Variants in TSNAXIP1 observed in about 807,000 individuals in gnomAD.
TSNAXIP1 encodes the protein translin associated factor X interacting protein 1.
A neutral mutation model predicts 84.8 loss-of-function variants in TSNAXIP1; 89 were observed. The ratio of observed to expected loss-of-function variants is 1.05; its 90% confidence interval spans 0.88 to 1.25. The LOEUF (loss-of-function observed/expected upper bound fraction) is 1.25. TSNAXIP1 is among the 50% of genes most tolerant of loss of function. The probability of loss-of-function intolerance (pLI) is 0.00; values close to 1 mark genes in which losing one functional copy is unlikely to be tolerated. For synonymous variants in TSNAXIP1, 347 were observed against 335.2 expected, an observed-to-expected ratio of 1.04 and a Z score of -0.39; for missense variants, 874 against 887.6, an observed-to-expected ratio of 0.98 and a Z score of 0.20.
chr16:67,820,311 C>T (rs1205145224), intron 2 of TSNAXIP1, among the ~76,000 whole-genome samples: 1 of 152,176 alleles, frequency 6.6e-6, no homozygotes, highest in Non-Finnish European at 1.5e-5. Context: ...CTACCATCAT[C>T]CCTATTTTAC....
chr16:67,824,785 TG>T lies in TSNAXIP1; in HGVS notation c.678+8del, dbSNP rs2151259454. 6.2e-7 allele frequency: 1 copy of T among 1,612,466 alleles called. No individual in the cohort carries two copies. The highest frequency in any genetic ancestry group is 8.5e-7 in the Non-Finnish European group (1 of 1,178,958). On this transcript the variant is annotated splice_region_variant and intron_variant, in intron 6 of 15. Transcript: ENST00000561639. ...AGATTTCATTGCAGAGCGAGGTGAA[TG>T]GAAGTGGTGTGATGATGACCAAGTC...
At chr16:67,825,375 A>C in intron 7 of TSNAXIP1, 103 bp downstream of exon 7, 83 of 1,481,540 alleles carry the variant, frequency 5.6e-5, no homozygotes, top group Non-Finnish European at 6.6e-5. Context: ...AGACCTGCTC[A>C]TTCCATAACC....
chr16:67,825,094 G>C (rs1012806658), intron 6 of TSNAXIP1, 43 bp from the exon 7 acceptor site: 1 of 1,603,474 alleles, frequency 6.2e-7, no homozygotes, highest in South Asian at 1.1e-5. Flanking sequence ...TGCATACAGG[G>C]GTCCAGGGGC....
At chr16:67,822,971 C>T (rs913299281) in intron 4 of TSNAXIP1, among the ~76,000 whole-genome samples, 4 of 152,154 alleles carry the variant, frequency 2.6e-5, no homozygotes, top group Admixed American at 6.6e-5. Context: ...CTACCAGGCT[C>T]TAAGATGGGG....
intron 1 of TSNAXIP1, among the ~76,000 whole-genome samples, chr16:67,814,051 C>T (rs1201625463): frequency 1.3e-5 from 2 of 152,142 alleles, no homozygotes; most frequent in Non-Finnish European, 2.9e-5. Flanking sequence ...TCTCTGGGTT[C>T]ATGGGGAGGA....
At chr16:67,821,554 G>A (rs555599926) in intron 4 of TSNAXIP1, among the ~76,000 whole-genome samples, 1 of 151,752 alleles carries the variant, frequency 6.6e-6, no homozygotes, top group Non-Finnish European at 1.5e-5. Flanking sequence ...TCCAACCTGG[G>A]CGACAAGAGT....
chr16:67,813,509 T>G (rs1211831294), intron 1 of TSNAXIP1, among the ~76,000 whole-genome samples: 1 of 150,804 alleles, frequency 6.6e-6, no homozygotes, highest in Non-Finnish European at 1.5e-5. Context: ...CCAAGGCAGG[T>G]GGATCATGAG....
chr16:67,820,748 A>G lies in TSNAXIP1; in HGVS notation c.148-91A>G. 1.9e-6 allele frequency: 2 copies of G among 1,029,432 alleles called. 1 individual carries two copies. Among genetic ancestry groups the G allele is most frequent in the South Asian group, 3.7e-5 (2 of 53,910 alleles). 63.8% of individuals were successfully genotyped at this position (1,029,432 alleles called of 1,614,324 possible). A position where few individuals can be genotyped will look rare whatever the true frequency, so the allele number is the denominator to read the frequency against. ...AACAGAGCAAGACTGTCTCAAAAAA[A>G]AAAAGTCAGGACTGGGGGAGGAGAG... is the stretch of plus-strand genomic sequence containing the variant. On this transcript the variant is annotated intron_variant, in intron 2 of 15. Coordinates refer to ENST00000561639, the MANE Select transcript of TSNAXIP1 (RefSeq NM_001288990.3).
rs1473221674 is a variant in TSNAXIP1 at position 67,824,369 on chromosome 16, G to A, written c.482-214G>A. On this transcript the variant is annotated intron_variant, in intron 5 of 15. Transcript: ENST00000561639. ...CAGGACTTAAGGCTGTAGGGGAAAG[G>A]ACATAGGAGAGACCCCGGTCTTCAT... is the stretch of plus-strand genomic sequence containing the variant. Among the ~76,000 whole-genome samples the A allele has an allele frequency of 2.6e-5, 4 of 152,200 alleles. No homozygotes were observed. In the East Asian group the frequency reaches 7.7e-4, roughly 29 times the overall value.
In TSNAXIP1 at chr16:67,824,758, G is replaced by T. The variant is rs1023866131; in HGVS notation, c.657G>T (p.Glu219Asp). Reference protein sequence around the residue: ...LLKLIDKKNEEKISLQSEVTK... With the variant: ...LLKLIDKKNEDKISLQSEVTK... ...AACTCATCGACAAAAAGAATGAGGA[G>T]AAGATTTCATTGCAGAGCGAGGTGA... The change falls in exon 6 of 16, where the codon GAG becomes GAT. Residue 219 changes from glutamate to aspartate, a missense_variant. Glu to Asp is a conservative substitution (Grantham distance 45, BLOSUM62 2). Coordinates refer to ENST00000561639, the MANE Select transcript of TSNAXIP1 (RefSeq NM_001288990.3). 1.2e-6 allele frequency: 2 copies of T among 1,613,184 alleles called. No individual in the cohort carries two copies. The highest frequency in any genetic ancestry group is 1.3e-5 in the African/African-American group (1 of 74,926).
chr16:67,825,886 G>A (rs150215219), intron 8 of TSNAXIP1, 31 bp from the exon 9 acceptor site: 63 of 1,614,006 alleles, frequency 3.9e-5, no homozygotes, highest in Middle Eastern at 1.6e-4. Flanking sequence ...TCTCACAGGT[G>A]GGGGGCCAGG....
chr16:67,808,208 GA>G (rs774491418), intron 1 of TSNAXIP1, among the ~76,000 whole-genome samples: 191 of 136,510 alleles, frequency 1.4e-3, no homozygotes, highest in Middle Eastern at 4.0e-3. Context: ...CCCAGTGGGG[GA>G]AAAAAAAAAA....
Position 67,824,533 on chromosome 16 carries a change from T to C in TSNAXIP1, c.482-50T>C, listed in dbSNP as rs758741379. The C allele has an allele frequency of 2.5e-6, 4 of 1,583,952 alleles. No individual in the cohort carries two copies. The South Asian group carries it at 4.5e-5, about 18-fold the overall frequency. On this transcript the variant is annotated intron_variant, in intron 5 of 15. Coordinates refer to ENST00000561639, the MANE Select transcript of TSNAXIP1 (RefSeq NM_001288990.3). ...CCATGACCTTAGGGTGTCTTCTGGC[T>C]GTTTGTTCTCCATGGCCCCAAAGCA... is the stretch of plus-strand genomic sequence containing the variant.
chr16:67,821,154 G>C lies in TSNAXIP1; in HGVS notation c.316G>C (p.Glu106Gln). The part of the protein sequence containing the change: ...TAKPQYLEEL[E>Q]NYLRKELLLL... Reference sequence around the variant, plus strand: ...CAAGCCCCAGTACTTGGAGGAACTGGAAAACTACCTACGCAAGGAGCTCCT... The same window carrying C: ...CAAGCCCCAGTACTTGGAGGAACTGCAAAACTACCTACGCAAGGAGCTCCT... Residue 106 changes from glutamate (E) to glutamine (Q), a missense_variant, in exon 4 of 16, where the codon GAA becomes CAA. By Grantham distance (29) the Glu-to-Gln change is conservative. Transcript: ENST00000561639. The C allele has an allele frequency of 6.3e-7, 1 of 1,593,344 alleles. No homozygotes were observed. The highest frequency in any genetic ancestry group is 1.7e-5 in the Admixed American group (1 of 58,868).
In TSNAXIP1 at chr16:67,825,686, T is replaced by C. The variant is rs764475092; in HGVS notation, c.834T>C (p.Pro278=). Residue 278 remains proline (P), a synonymous_variant, in exon 8 of 16, where the codon CCT becomes CCC. Transcript: ENST00000561639. ...AQSPGIWGED[P]VKLTLALKMT... is the part of the protein sequence containing the mutation. ...TGGCAGGCATCTGGGGGGAGGACCC[T>C]GTGAAGTTAACCCTGGCTCTTAAGA... The C allele has an allele frequency of 6.2e-7, 1 of 1,613,210 alleles. No homozygotes were observed. The highest frequency in any genetic ancestry group is 8.5e-7 in the Non-Finnish European group (1 of 1,179,388).
intron 1 of TSNAXIP1, 200 bp downstream of exon 1, chr16:67,807,396 T>A (rs2055544383): frequency 6.6e-7 from 1 of 1,524,820 alleles, no homozygotes; most frequent in Admixed American, 2.0e-5. Flanking sequence ...GTAGGCGCAC[T>A]TTATCATTAC....
At chr16:67,822,757 C>T (rs576593022) in intron 4 of TSNAXIP1, among the ~76,000 whole-genome samples, 186 of 152,296 alleles carry the variant, frequency 1.2e-3, no homozygotes, top group Admixed American at 3.5e-3. Context: ...GGCCTTACAT[C>T]GATCTCCTGA....
chr16:67,817,625 C>T (rs1389200862), intron 2 of TSNAXIP1, among the ~76,000 whole-genome samples: 1 of 149,020 alleles, frequency 6.7e-6, no homozygotes, highest in East Asian at 2.1e-4. Flanking sequence ...GGCGCGGTGG[C>T]TCACGCCTGT....
At position 67,807,053 on chromosome 16, in the gene TSNAXIP1, C is replaced by CG. The variant is rs3833058; in HGVS notation, c.-90dup. 14,759 of 1,487,048 alleles carry CG rather than the reference C, an allele frequency of 9.9e-3. 91 individuals are homozygous for CG. The highest frequency in any genetic ancestry group is 0.02 in the Middle Eastern group (81 of 4,134). The allele number at this position is 1,487,048 out of a possible 1,614,324, so 92.1% of individuals were successfully genotyped here. ...CGCATCCCTGACTCCGCCCCCGCCG[C>CG]GGGGGGGCCTCTGGGGCCTGGTCGC... On this transcript the variant is annotated 5_prime_UTR_variant, in exon 1 of 16. Transcript: ENST00000561639.
Sources: allele counts gnomAD v4.1 joint callset (sites outside exome capture counted in the v4.1 genomes callset), GRCh38; gene constraint gnomAD v4.1.1; transcripts MANE v1.5; gene names NCBI Gene and HGNC (gene_info 2026-07-23, HGNC 2026-07-21).